The following SPAG17 variants were observed in gnomAD, a reference collection of about 807,000 sequenced individuals.
SPAG17 encodes sperm associated antigen 17.
In SPAG17, 169 loss-of-function variants were observed where a neutral mutation model predicts 273.6. That is an observed-to-expected ratio of 0.62 (90% CI 0.55 to 0.70). SPAG17 has a LOEUF of 0.70. SPAG17 is among the 30% of genes least tolerant of loss of function. SPAG17 has a pLI of 0.00. For missense variants in SPAG17, 2,557 were observed against 2,627.8 expected (o/e 0.97, Z 0.59); for synonymous variants, 825 against 873.2 (o/e 0.94, Z 0.97).
chr1:118,106,250 C>T (rs1384097994), intron 4 of SPAG17, among the ~76,000 whole-genome samples: 1 of 152,154 alleles, frequency 6.6e-6, no homozygotes, highest in Non-Finnish European at 1.5e-5. Context: ...TATTACATTT[C>T]TATTTATTAC....
chr1:118,007,956 C>A, intron 31 of SPAG17, 88 bp downstream of exon 31: 3 of 1,427,538 alleles, frequency 2.1e-6, no homozygotes, highest in Non-Finnish European at 2.9e-6. Flanking sequence ...GTGTACATTG[C>A]AGGCATTTTT....
chr1:118,066,752 C>T lies in SPAG17; in HGVS notation c.2533G>A (p.Gly845Arg), dbSNP rs1208435947. Residue 845 changes from glycine to arginine, a missense_variant, in exon 18 of 49, where the codon GGA becomes AGA. Coordinates refer to ENST00000336338, the MANE Select transcript of SPAG17 (RefSeq NM_206996.4). Reference protein sequence around the residue: ...YWNIALHSNVGFRNYLELVAK... With the variant: ...YWNIALHSNVRFRNYLELVAK... Reference sequence around the variant, plus strand: ...ACTTTCCAAATTTGTTACCTGAATCCAACATTGGAGTGGAGAGCAATGTTC... The same window carrying T: ...ACTTTCCAAATTTGTTACCTGAATCTAACATTGGAGTGGAGAGCAATGTTC... 2 of 1,605,568 alleles carry T rather than the reference C, an allele frequency of 1.2e-6. No homozygotes were observed. The highest frequency in any genetic ancestry group is 1.7e-4 in the Middle Eastern group (1 of 5,986).
At chr1:117,984,336 T>A (rs549349046) in intron 41 of SPAG17, among the ~76,000 whole-genome samples, 1 of 152,254 alleles carries the variant, frequency 6.6e-6, no homozygotes, top group South Asian at 2.1e-4. Context: ...TTTAACTGAA[T>A]AAAAACTTCA....
intron 25 of SPAG17, among the ~76,000 whole-genome samples, chr1:118,028,868 T>C (rs1648091597): frequency 6.6e-6 from 1 of 152,140 alleles, no homozygotes; most frequent in Non-Finnish European, 1.5e-5. Flanking sequence ...CCCTTATGAA[T>C]GGGATTAGTG....
intron 3 of SPAG17, among the ~76,000 whole-genome samples, chr1:118,147,848 A>G (rs192113864): frequency 5.3e-5 from 8 of 152,226 alleles, no homozygotes; most frequent in African/African-American, 1.7e-4. Context: ...ACACTATTTT[A>G]CTACTCATGG....
chr1:118,058,795 G>A lies in SPAG17; in HGVS notation c.2541-2881C>T, dbSNP rs568951449. On this transcript the variant is annotated intron_variant, in intron 18 of 48. Transcript: ENST00000336338. ...TTATACCAATAAATTCTTATATAAA[G>A]AAAGACCATCTAAAAATATTAATAT... is the stretch of plus-strand genomic sequence containing the variant. Among the ~76,000 whole-genome samples, 176 of 152,178 alleles carry A rather than the reference G, an allele frequency of 1.2e-3. 2 individuals are homozygous for A. Among genetic ancestry groups the A allele is most frequent in the African/African-American group, 4.0e-3 (167 of 41,524 alleles).
intron 23 of SPAG17, 105 bp downstream of exon 23, chr1:118,039,187 A>G: frequency 8.0e-7 from 1 of 1,251,558 alleles, no homozygotes; most frequent in Non-Finnish European, 1.1e-6. Context: ...GTACTGGTAG[A>G]AACTTGAGAA....
intron 17 of SPAG17, among the ~76,000 whole-genome samples, chr1:118,068,786 T>G (rs1404062392): frequency 2.0e-5 from 3 of 152,140 alleles, no homozygotes; most frequent in Admixed American, 6.5e-5. Context: ...TAAAGATTTT[T>G]TTGTTGTTGT....
In SPAG17 at chr1:118,031,696, T is replaced by C. The variant is rs553928505; in HGVS notation, c.3605A>G (p.Lys1202Arg). The C allele has an allele frequency of 2.1e-5, 34 of 1,612,510 alleles. No individual in the cohort carries two copies. In the South Asian group the frequency reaches 3.5e-4, roughly 17 times the overall value. Residue 1202 changes from lysine (K) to arginine (R), a missense_variant, in exon 25 of 49, where the codon AAA becomes AGA. Coordinates refer to ENST00000336338, the MANE Select transcript of SPAG17 (RefSeq NM_206996.4). ...KEEEHPKEEEKKEEEVEPEPV... is the reference protein window; with the variant it reads ...KEEEHPKEEERKEEEVEPEPV... ...TCTATGGCAAGGTTCATTTACCTTT[T>C]TCTCTTCTTCTTTTGGGTGTTCTTC...
chr1:117,982,442 C>T lies in SPAG17; in HGVS notation c.5873-1041G>A, dbSNP rs1332288106. 3.0e-4 allele frequency among the ~76,000 whole-genome samples: 46 copies of T among 152,108 alleles called. 1 individual carries two copies. Among genetic ancestry groups the T allele is most frequent in the Admixed American group, 2.7e-3 (41 of 15,276 alleles). On this transcript the variant is annotated intron_variant, in intron 42 of 48. Coordinates refer to ENST00000336338, the MANE Select transcript of SPAG17 (RefSeq NM_206996.4). Reference sequence around the variant, plus strand: ...ATTTTTAGTAGAGACGGGGTTTCACCGTGTTAGCCAGGATGGTCTCGATCT... The same window carrying T: ...ATTTTTAGTAGAGACGGGGTTTCACTGTGTTAGCCAGGATGGTCTCGATCT...
intron 3 of SPAG17, among the ~76,000 whole-genome samples, chr1:118,123,716 G>A (rs904130426): frequency 1.3e-5 from 2 of 152,178 alleles, no homozygotes; most frequent in Admixed American, 1.3e-4. Flanking sequence ...CATCTGTGCT[G>A]AAATGAAATA....
chr1:118,096,771 T>C (rs909965133), intron 7 of SPAG17, among the ~76,000 whole-genome samples: 12 of 152,212 alleles, frequency 7.9e-5, no homozygotes, highest in African/African-American at 2.7e-4. Context: ...GCACCAGATA[T>C]GTGGGTCCTT....
chr1:118,062,277 G>C (rs1426800425), intron 18 of SPAG17, among the ~76,000 whole-genome samples: 1 of 144,996 alleles, frequency 6.9e-6, no homozygotes, highest in South Asian at 2.1e-4. Flanking sequence ...TGAGGCAGGA[G>C]AATGGCACGA....
chr1:117,979,922 G>A (rs11803553), intron 43 of SPAG17, among the ~76,000 whole-genome samples: 77,118 of 152,054 alleles, frequency 0.51, 22,959 homozygotes, highest in African/African-American at 0.84. Flanking sequence ...CCAAGTCACT[G>A]TCCATACATT....
chr1:118,130,653 G>A (rs565795394), intron 3 of SPAG17, among the ~76,000 whole-genome samples: 1 of 152,154 alleles, frequency 6.6e-6, no homozygotes, highest in East Asian at 1.9e-4. Context: ...CCTTCCCAGA[G>A]CCTCATGTTC....
chr1:118,062,195 C>T lies in SPAG17; in HGVS notation c.2540+4550G>A, dbSNP rs368950722. Reference sequence around the variant, plus strand: ...ATCCCGGCTAAAAACGGTGAAATCCCGTCTCTACTAAAAATCAAAAAATTA... The same window carrying T: ...ATCCCGGCTAAAAACGGTGAAATCCTGTCTCTACTAAAAATCAAAAAATTA... On this transcript the variant is annotated intron_variant, in intron 18 of 48. Coordinates refer to ENST00000336338, the MANE Select transcript of SPAG17 (RefSeq NM_206996.4). Among the ~76,000 whole-genome samples, 17 of 151,568 alleles carry T rather than the reference C, an allele frequency of 1.1e-4. No individual in the cohort carries two copies. The South Asian group carries it at 1.5e-3, about 13-fold the overall frequency.
At chr1:117,987,789 T>C in intron 40 of SPAG17, 45 bp downstream of exon 40, 2 of 1,600,288 alleles carry the variant, frequency 1.2e-6, no homozygotes, top group Non-Finnish European at 1.7e-6. Flanking sequence ...AGTCTATTAC[T>C]CTGGGCCCTT....
intron 4 of SPAG17, among the ~76,000 whole-genome samples, chr1:118,103,840 A>AGTGTGTGT (rs60797775): frequency 0.023 from 3,160 of 136,340 alleles, 96 homozygotes; most frequent in East Asian, 0.11. Flanking sequence ...GGGAAAATGT[A>AGTGTGTGT]GTGTGTGTGT....
chr1:118,115,468 A>C, intron 3 of SPAG17, 27 bp from the exon 4 acceptor site: 2 of 1,596,006 alleles, frequency 1.3e-6, no homozygotes, highest in Non-Finnish European at 8.5e-7. Flanking sequence ...TTATTAGAAA[A>C]AGTGATGTTT....
Sources: gnomAD v4.1 joint callset for allele counts (sites outside exome capture counted in the v4.1 genomes callset) on GRCh38, gnomAD v4.1.1 for gene constraint, MANE v1.5 for transcripts, NCBI Gene and HGNC (gene_info 2026-07-23, HGNC 2026-07-21) for gene names.